MICU1: variants seen among roughly 807,000 people sequenced by gnomAD.
The protein encoded by MICU1 is mitochondrial calcium uptake 1, also known as calcium uptake protein 1, mitochondrial.
Under a neutral mutation model 56.8 loss-of-function variants are expected in MICU1, and 45 were observed. The ratio of observed to expected loss-of-function variants is 0.79; its 90% CI spans 0.62 to 1.02. The LOEUF is 1.02. MICU1 is among the 50% of genes least tolerant of loss of function. MICU1 has a pLI of 0.00. For missense variants in MICU1, 504 were observed against 587.1 expected (o/e 0.86, Z 1.46); for synonymous variants, 186 against 195.1 (o/e 0.95, Z 0.39).
At chr10:72,553,327 G>A (rs1052267538) in intron 3 of MICU1, among the ~76,000 whole-genome samples, 13 of 150,716 alleles carry the variant, frequency 8.6e-5, no homozygotes, top group African/African-American at 3.2e-4. Context: ...TCTACCTCCC[G>A]GGTTCACGCC....
intron 9 of MICU1, among the ~76,000 whole-genome samples, chr10:72,410,741 T>C (rs1264108277): frequency 6.6e-6 from 1 of 152,226 alleles, no homozygotes; most frequent in Non-Finnish European, 1.5e-5. Context: ...TTTCCCTAAT[T>C]TGAGGTCAGT....
intron 4 of MICU1, among the ~76,000 whole-genome samples, chr10:72,546,031 C>T (rs1472022318): frequency 6.6e-6 from 1 of 152,160 alleles, no homozygotes; most frequent in African/African-American, 2.4e-5. Context: ...ACCCCCTTCC[C>T]AACATGGCCT....
chr10:72,404,253 G>A (rs1450290028), intron 10 of MICU1, among the ~76,000 whole-genome samples: 1 of 152,128 alleles, frequency 6.6e-6, no homozygotes, highest in Non-Finnish European at 1.5e-5. Context: ...CAAAGTGCTG[G>A]AATTACAGGC....
intron 1 of MICU1, among the ~76,000 whole-genome samples, chr10:72,598,745 A>C (rs994084100): frequency 6.6e-5 from 10 of 152,158 alleles, no homozygotes; most frequent in African/African-American, 1.9e-4. Context: ...GAATAACCCC[A>C]AAAAATGAAA....
chr10:72,580,195 C>T (rs1227670253), intron 1 of MICU1, among the ~76,000 whole-genome samples: 2 of 152,110 alleles, frequency 1.3e-5, no homozygotes, highest in South Asian at 2.1e-4. Context: ...GAGGCATCAT[C>T]TTTTCTTCAT....
intron 4 of MICU1, 147 bp downstream of exon 4, chr10:72,551,032 G>T: frequency 1.2e-6 from 1 of 804,386 alleles, no homozygotes; most frequent in Non-Finnish European, 1.8e-6. Context: ...TACTCCTAAA[G>T]CCTAGCACAA....
chr10:72,555,034 A>G (rs547608221), intron 3 of MICU1, among the ~76,000 whole-genome samples: 2 of 152,048 alleles, frequency 1.3e-5, no homozygotes, highest in Non-Finnish European at 2.9e-5. Flanking sequence ...CAAAACATAC[A>G]AAAAAACCCA....
chr10:72,567,343 A>T (rs73282738), intron 1 of MICU1, among the ~76,000 whole-genome samples: 3 of 152,148 alleles, frequency 2.0e-5, no homozygotes, highest in Non-Finnish European at 4.4e-5. Context: ...AAATAAATAA[A>T]AAATAAAAAA....
intron 6 of MICU1, among the ~76,000 whole-genome samples, chr10:72,481,401 T>A (rs1441307506): frequency 2.0e-5 from 3 of 152,098 alleles, no homozygotes; most frequent in Non-Finnish European, 4.4e-5. Context: ...ATTTTGGTTT[T>A]TGTTTTGTTT....
chr10:72,598,207 A>T (rs1030808878), intron 1 of MICU1, among the ~76,000 whole-genome samples: 2 of 152,100 alleles, frequency 1.3e-5, no homozygotes, highest in Non-Finnish European at 2.9e-5. Flanking sequence ...TATATCTATC[A>T]CTGAGGTAAG....
intron 9 of MICU1, among the ~76,000 whole-genome samples, chr10:72,422,095 T>C (rs182046770): frequency 6.6e-6 from 1 of 152,050 alleles, no homozygotes; most frequent in Non-Finnish European, 1.5e-5. Context: ...CCCAATGTGG[T>C]TGTATTTGGA....
At chr10:72,453,615 T>G (rs973710125) in intron 8 of MICU1, among the ~76,000 whole-genome samples, 1 of 151,284 alleles carries the variant, frequency 6.6e-6, no homozygotes, top group Non-Finnish European at 1.5e-5. Flanking sequence ...CCGCAACCCC[T>G]GCCTCCCAGG....
At chr10:72,377,674 C>T (rs762117244) in intron 10 of MICU1, among the ~76,000 whole-genome samples, 3 of 152,114 alleles carry the variant, frequency 2.0e-5, no homozygotes, top group Non-Finnish European at 4.4e-5. Flanking sequence ...CTTCTGGACA[C>T]ATTCTTAAGT....
At chr10:72,383,508 G>C (rs1402111947) in intron 10 of MICU1, among the ~76,000 whole-genome samples, 1 of 152,168 alleles carries the variant, frequency 6.6e-6, no homozygotes, top group Non-Finnish European at 1.5e-5. Flanking sequence ...ACATATCTTA[G>C]AAATAATTCC....
At chr10:72,454,456 C>T (rs575660314) in intron 8 of MICU1, among the ~76,000 whole-genome samples, 12 of 146,204 alleles carry the variant, frequency 8.2e-5, no homozygotes, top group African/African-American at 3.0e-4. Flanking sequence ...CTCCGTCTCA[C>T]ATTTAAAAAA....
chr10:72,598,655 C>T (rs1357897483), intron 1 of MICU1, among the ~76,000 whole-genome samples: 1 of 152,002 alleles, frequency 6.6e-6, no homozygotes. Flanking sequence ...TCCTGAGATG[C>T]ATATAATCAC....
chr10:72,448,285 T>C (rs1470047029), intron 8 of MICU1, among the ~76,000 whole-genome samples: 2 of 143,130 alleles, frequency 1.4e-5, no homozygotes, highest in East Asian at 2.2e-4. Flanking sequence ...GTGATTCTCC[T>C]GACTCAGCCT....
intron 4 of MICU1, 34 bp from the exon 5 acceptor site, chr10:72,533,823 GATA>G: frequency 1.4e-6 from 2 of 1,450,662 alleles, no homozygotes; most frequent in Non-Finnish European, 1.9e-6. Context: ...TTTAGCTACT[GATA>G]ATAACTCAAG....
chr10:72,492,877 G>A (rs1475956398), intron 6 of MICU1, among the ~76,000 whole-genome samples: 2 of 151,932 alleles, frequency 1.3e-5, no homozygotes, highest in African/African-American at 4.8e-5. Context: ...AACACTTTGG[G>A]AGGCCGAGGC....
Sources: gnomAD v4.1 joint callset for allele counts (sites outside exome capture counted in the v4.1 genomes callset) on GRCh38, gnomAD v4.1.1 for gene constraint, MANE v1.5 for transcripts, NCBI Gene and HGNC (gene_info 2026-07-23, HGNC 2026-07-21) for gene names.